POLB: variants seen among roughly 807,000 people sequenced by gnomAD.
POLB encodes the protein DNA polymerase beta.
POLB carries 37 observed loss-of-function variants against 52.7 expected under a neutral mutation model. The observed-to-expected ratio is 0.70, with a 90% CI of 0.54 to 0.92. The LOEUF is 0.92. Among genes scored for constraint, POLB ranks in the 40% least tolerant of loss-of-function variants. POLB has a pLI of 0.00. For missense variants in POLB, 313 were observed against 400.8 expected, an observed-to-expected ratio of 0.78 and a Z score of 1.87; for synonymous variants, 138 against 131.3, an observed-to-expected ratio of 1.05 and a Z score of -0.35.
At chr8:42,350,197 C>T (rs944455257) in intron 5 of POLB, 132 bp downstream of exon 5, 9 of 703,290 alleles carry the variant, frequency 1.3e-5, no homozygotes, top group Non-Finnish European at 2.1e-5. Context: ...GTTCACCCTT[C>T]CATAGCTTAT....
intron 2 of POLB, chr8:42,339,862 T>A (rs1197260047): frequency 1.3e-5 from 2 of 152,062 alleles, no homozygotes. Flanking sequence ...TCAGCCTCGG[T>A]GTCAGCTCTC....
At chr8:42,362,802 A>C (rs1354115326) in intron 11 of POLB, 104 bp downstream of exon 11, 1 of 666,338 alleles carries the variant, frequency 1.5e-6, no homozygotes, top group Non-Finnish European at 2.7e-6. Context: ...ACAGTCACCA[A>C]ATAGAGTATC....
At chr8:42,364,020 G>C (rs958880237) in intron 11 of POLB, among the ~76,000 whole-genome samples, 20 of 147,818 alleles carry the variant, frequency 1.4e-4, no homozygotes, top group Non-Finnish European at 1.5e-5. Flanking sequence ...TCCACCTCCC[G>C]GGTTCAAGCA....
At chr8:42,363,314 G>T (rs1188950103) in intron 11 of POLB, among the ~76,000 whole-genome samples, 1 of 151,602 alleles carries the variant, frequency 6.6e-6, no homozygotes, top group African/African-American at 2.4e-5. Context: ...GGATTACAAG[G>T]TCAGGTGATC....
rs781376620 is a variant in POLB, at chr8:42,338,681, C to T, written c.57C>T (p.Leu19=). The change falls in exon 1 of 14, where the codon CTC becomes CTT. Residue 19 remains leucine (L), a synonymous_variant. Transcript: ENST00000265421. ...ETLNGGITDM[L]TELANFEKNV... Reference sequence around the variant, plus strand: ...TCAACGGGGGAATCACCGACATGCTCACAGGTTAGCACCGGGCCGGGCCCC... The same window carrying T: ...TCAACGGGGGAATCACCGACATGCTTACAGGTTAGCACCGGGCCGGGCCCC... 6 of 1,613,778 alleles carry T rather than the reference C, an allele frequency of 3.7e-6. No homozygotes were observed. The African/African-American group carries it at 4.0e-5, about 11-fold the overall frequency.
chr8:42,364,999 A>G (rs1374553764), intron 11 of POLB, among the ~76,000 whole-genome samples: 1 of 152,150 alleles, frequency 6.6e-6, no homozygotes, highest in African/African-American at 2.4e-5. Flanking sequence ...AGGTGGGAGA[A>G]TGGCTTGAGC....
chr8:42,342,026 A>G, intron 2 of POLB: 1 of 779,884 alleles, frequency 1.3e-6, no homozygotes, highest in Non-Finnish European at 2.3e-6. Context: ...TAAGTAGTGC[A>G]TGTAATCTGC....
At chr8:42,354,385 A>G in intron 6 of POLB, 1 of 982,670 alleles carries the variant, frequency 1.0e-6, no homozygotes, top group Non-Finnish European at 1.4e-6. Context: ...ATTGCTTTTG[A>G]AGCATGCTTA....
intron 5 of POLB, among the ~76,000 whole-genome samples, chr8:42,350,854 A>G (rs572865420): frequency 4.8e-4 from 63 of 132,448 alleles, no homozygotes; most frequent in South Asian, 1.1e-3. Context: ...TAAAATTTTC[A>G]TTGGAAGAAT....
At chr8:42,342,024 G>A in intron 2 of POLB, 1 of 775,452 alleles carries the variant, frequency 1.3e-6, no homozygotes. Flanking sequence ...ATTAAGTAGT[G>A]CATGTAATCT....
In POLB at chr8:42,369,326, T is replaced by C. The variant is rs1194546642; in HGVS notation, c.764T>C (p.Ile255Thr). 1.9e-6 allele frequency: 3 copies of C among 1,574,594 alleles called. No homozygotes were observed. Among genetic ancestry groups the C allele is most frequent in the East Asian group, 2.2e-5 (1 of 44,460 alleles). ...GAAAAAGAATATCCACACAGAAGAA[T>C]TGATATCAGGTATTGTTCAGACTTT... ...NDEKEYPHRR[I>T]DIRLIPKDQY... is the part of the protein sequence containing the mutation. Residue 255 changes from isoleucine to threonine, a missense_variant, in exon 12 of 14, where the codon ATT (isoleucine) becomes ACT (threonine). Physicochemically the swap from Ile to Thr is moderately conservative, Grantham distance 89. This residue lies in a region of POLB where 246 missense variants were observed against 297.6 expected (regional missense o/e 0.83). Coordinates refer to ENST00000265421, the MANE Select transcript of POLB (RefSeq NM_002690.3).
At chr8:42,361,481 T>C (rs1015223460) in intron 10 of POLB, 116 bp downstream of exon 10, 4 of 748,180 alleles carry the variant, frequency 5.3e-6, no homozygotes, top group Non-Finnish European at 9.4e-6. Context: ...CTGAAAAGTC[T>C]GAAGAGCTTT....
At chr8:42,346,464 C>T (rs1414349831) in intron 3 of POLB, among the ~76,000 whole-genome samples, 1 of 150,836 alleles carries the variant, frequency 6.6e-6, no homozygotes, top group African/African-American at 2.4e-5. Context: ...CTTACTGCTG[C>T]AGCCTTGACC....
chr8:42,369,207 C>T, intron 11 of POLB, 64 bp from the exon 12 acceptor site: 1 of 985,854 alleles, frequency 1.0e-6, no homozygotes, highest in South Asian at 1.4e-5. Context: ...TTGTGTTTTA[C>T]TTGATTAAAA....
rs148400328 is a variant in POLB at position 42,359,232 on chromosome 8, A to C, written c.550+1840A>C. ...AACTAAATACTAGTATACCATCTTT[A>C]TTTCTTTCTTCTCTCCCTTTCTTTC... On this transcript the variant is annotated intron_variant, in intron 9 of 13. Transcript: ENST00000265421. Among the ~76,000 whole-genome samples, 187 of 152,160 alleles carry C rather than the reference A, an allele frequency of 1.2e-3. 1 individual carries two copies. The highest frequency in any genetic ancestry group is 2.3e-3 in the Non-Finnish European group (158 of 67,996).
intron 13 of POLB, chr8:42,370,258 G>GTT: frequency 5.3e-6 from 2 of 378,652 alleles, no homozygotes; most frequent in Non-Finnish European, 9.5e-6. Flanking sequence ...CATCTAAAAG[G>GTT]GTTTTTTTTT....
At chr8:42,363,873 T>A (rs953197078) in intron 11 of POLB, among the ~76,000 whole-genome samples, 3 of 151,772 alleles carry the variant, frequency 2.0e-5, no homozygotes, top group African/African-American at 7.3e-5. Flanking sequence ...GATTAATAAA[T>A]GATTCTGTAT....
intron 10 of POLB, among the ~76,000 whole-genome samples, chr8:42,362,208 C>T (rs1055206145): frequency 6.6e-5 from 10 of 151,658 alleles, no homozygotes; most frequent in East Asian, 1.9e-4. Context: ...TGCAGTGAGC[C>T]GAGATCGTGC....
intron 3 of POLB, among the ~76,000 whole-genome samples, chr8:42,347,456 TTATC>T (rs1371015630): frequency 2.6e-5 from 4 of 151,306 alleles, no homozygotes; most frequent in South Asian, 2.1e-4. Flanking sequence ...TTATTCTAGA[TTATC>T]TAATCTATTC....
Sources: allele counts gnomAD v4.1 joint callset (sites outside exome capture counted in the v4.1 genomes callset), GRCh38; gene constraint gnomAD v4.1.1; regional missense constraint gnomAD v4.1.1; transcripts MANE v1.5; gene names NCBI Gene and HGNC (gene_info 2026-07-23, HGNC 2026-07-21).